The following USP26 variants were observed in gnomAD, a reference collection of about 807,000 sequenced individuals.
USP26 encodes the protein ubiquitin specific peptidase 26.
For missense variants in USP26, 649 were observed against 642.3 expected, an observed-to-expected ratio of 1.01 and a Z score of -0.11; for synonymous variants, 236 against 240.6, an observed-to-expected ratio of 0.98 and a Z score of 0.18.
At chrX:133,056,908 C>T (rs935873162) in intron 5 of USP26, among the ~76,000 whole-genome samples, 47 of 111,327 alleles carry the variant, frequency 4.2e-4, no homozygotes, top group African/African-American at 1.4e-3. Context: ...GTAACCCAGG[C>T]TCTCTGGAGT....
intron 5 of USP26, among the ~76,000 whole-genome samples, chrX:133,043,838 G>C (rs2067427885): frequency 8.9e-6 from 1 of 111,955 alleles, no homozygotes; most frequent in African/African-American, 3.2e-5. Flanking sequence ...AGGAGGCCGA[G>C]GTGGCAGTGA....
At chrX:133,092,102 G>A (rs2067609779) in intron 1 of USP26, among the ~76,000 whole-genome samples, 1 of 111,873 alleles carries the variant, frequency 8.9e-6, no homozygotes, top group Non-Finnish European at 1.9e-5. Context: ...ATCATACAGG[G>A]TGAAACATAA....
At position 133,027,385 on chromosome X, in the gene USP26, C is replaced by T; in HGVS notation, c.836G>A (p.Trp279Ter). ...TTCAAAAAATAGTTTTAATTTATCC[C>T]ACTTTGTGTAACCGTCACTATACCC... ...QQGYSDGYTKWDKLKLFFELF... is the reference protein window; with the variant it reads ...QQGYSDGYTK Residue 279 changes from tryptophan (W) to a stop codon, truncating the protein, a stop_gained, in exon 6 of 6, where the codon TGG becomes TAG. Coordinates refer to ENST00000511190, the MANE Select transcript of USP26 (RefSeq NM_031907.3). LOFTEE classifies it low-confidence loss of function (END_TRUNC). 3.3e-6 allele frequency: 4 copies of T among 1,211,310 alleles called. No homozygotes were observed. Among genetic ancestry groups the T allele is most frequent in the Non-Finnish European group, 3.4e-6 (3 of 895,268 alleles).
intron 5 of USP26, among the ~76,000 whole-genome samples, chrX:133,062,325 A>G (rs55734802): frequency 1.4e-3 from 158 of 112,032 alleles, no homozygotes; most frequent in Middle Eastern, 0.014. Context: ...GCTTCAGCTG[A>G]CTTAAACATC....
At chrX:133,091,894 G>A (rs907772023) in intron 1 of USP26, among the ~76,000 whole-genome samples, 1 of 111,693 alleles carries the variant, frequency 9.0e-6, no homozygotes, top group South Asian at 3.8e-4. Flanking sequence ...ACTGGTACTG[G>A]ACTTTTCCAT....
Position 133,025,825 on chromosome X carries a change from T to C in USP26, c.2396A>G (p.Asn799Ser), listed in dbSNP as rs1446375255. The change falls in exon 6 of 6, where the codon AAC (asparagine) becomes AGC (serine). Residue 799 changes from asparagine to serine, a missense_variant. Transcript: ENST00000511190. ...TTTTATCTTATCTAAAATGTCTTTG[T>C]TTCTTGGATTCTTATTGGAACCCAG... ...LALGSNKNPRNKDILDKIKSK... is the reference protein window; with the variant it reads ...LALGSNKNPRSKDILDKIKSK... 1 of 1,211,187 alleles carries C rather than the reference T, an allele frequency of 8.3e-7. No individual in the cohort carries two copies. Among genetic ancestry groups the C allele is most frequent in the East Asian group, 3.0e-5 (1 of 33,825 alleles).
At chrX:133,037,894 G>T (rs1435898187) in intron 5 of USP26, among the ~76,000 whole-genome samples, 3 of 111,025 alleles carry the variant, frequency 2.7e-5, no homozygotes, top group Non-Finnish European at 5.7e-5. Flanking sequence ...TCATGTCCTT[G>T]TAAGTTGTAT....
Position 133,093,126 on chromosome X carries a change from CAAT to C in USP26, c.-392-1686_-392-1684del, listed in dbSNP as rs754173811. On this transcript the variant is annotated intron_variant, in intron 1 of 5. Transcript: ENST00000511190. ...AAAGAAAAACAAAACAAAACAACAA[CAAT>C]GACAACAAACCATGCATTGCGGTGT... 1.7e-3 allele frequency among the ~76,000 whole-genome samples: 186 copies of C among 109,685 alleles called. 2 individuals are homozygous for C. Among genetic ancestry groups the C allele is most frequent in the African/African-American group, 5.8e-3 (176 of 30,142 alleles).
At position 133,062,704 on chromosome X, in the gene USP26, A is replaced by C. The variant is rs774809507; in HGVS notation, c.-77+21003T>G. On this transcript the variant is annotated intron_variant, in intron 5 of 5. Coordinates refer to ENST00000511190, the MANE Select transcript of USP26 (RefSeq NM_031907.3). ...GAAAAACTAACAAAGAGAAAGCAAT[A>C]ACATCCACATCAACAAAAAGGACCC... Among the ~76,000 whole-genome samples, 25 of 111,118 alleles carry C rather than the reference A, an allele frequency of 2.2e-4. No individual in the cohort carries two copies. The East Asian group carries it at 6.5e-3, about 29-fold the overall frequency.
At chrX:133,093,427 G>A (rs1569313879) in intron 1 of USP26, among the ~76,000 whole-genome samples, 1 of 111,254 alleles carries the variant, frequency 9.0e-6, no homozygotes, top group Non-Finnish European at 1.9e-5. Context: ...TTATAGCACG[G>A]AAGAAAAAAG....
chrX:133,095,093 CAAAA>C (rs35394795), intron 1 of USP26, among the ~76,000 whole-genome samples: 1 of 51,250 alleles, frequency 2.0e-5, no homozygotes, highest in Non-Finnish European at 3.5e-5. Flanking sequence ...AGACTCTTGT[CAAAA>C]AAAAAAAAAA....
intron 5 of USP26, among the ~76,000 whole-genome samples, chrX:133,050,691 A>C (rs1460971413): frequency 8.9e-6 from 1 of 112,132 alleles, no homozygotes; most frequent in Admixed American, 9.5e-5. Flanking sequence ...TTGATCAAAC[A>C]TCAGAAGACC....
intron 5 of USP26, among the ~76,000 whole-genome samples, chrX:133,083,444 C>T (rs1350720890): frequency 5.7e-5 from 2 of 34,939 alleles, no homozygotes. Flanking sequence ...TCGTTTTGAT[C>T]AAAAATCCAA....
chrX:133,095,426 CTTTTA>C (rs1232461891), intron 1 of USP26, among the ~76,000 whole-genome samples: 1 of 111,749 alleles, frequency 8.9e-6, no homozygotes, highest in African/African-American at 3.2e-5. Flanking sequence ...TACTCCAAAA[CTTTTA>C]TTTTATAAGG....
chrX:133,062,487 AAC>A (rs200931935), intron 5 of USP26, among the ~76,000 whole-genome samples: 473 of 111,929 alleles, frequency 4.2e-3, no homozygotes, highest in African/African-American at 0.015. Context: ...AAGAGGGGTT[AAC>A]AGACACCTCA....
chrX:133,037,736 T>C (rs1412252153), intron 5 of USP26, among the ~76,000 whole-genome samples: 1 of 112,115 alleles, frequency 8.9e-6, no homozygotes, highest in Non-Finnish European at 1.9e-5. Flanking sequence ...TTGATGGGAA[T>C]AGCATTGAAT....
At chrX:133,076,666 G>A (rs1284620459) in intron 5 of USP26, among the ~76,000 whole-genome samples, 2 of 112,108 alleles carry the variant, frequency 1.8e-5, no homozygotes, top group Non-Finnish European at 3.8e-5. Flanking sequence ...GAAACTAGCT[G>A]CCATGTTGGG....
At chrX:133,062,043 C>A (rs911913035) in intron 5 of USP26, among the ~76,000 whole-genome samples, 1 of 111,904 alleles carries the variant, frequency 8.9e-6, no homozygotes, top group East Asian at 2.8e-4. Flanking sequence ...GCACAGCAGT[C>A]TGAAGTCGAC....
At chrX:133,033,957 T>C (rs902845774) in intron 5 of USP26, among the ~76,000 whole-genome samples, 2 of 112,245 alleles carry the variant, frequency 1.8e-5, no homozygotes, top group African/African-American at 6.5e-5. Flanking sequence ...TCTTAGCTTT[T>C]TGTAGCATTT....
Sources: allele counts gnomAD v4.1 joint callset (sites outside exome capture counted in the v4.1 genomes callset), GRCh38; gene constraint gnomAD v4.1.1; transcripts MANE v1.5; gene names NCBI Gene and HGNC (gene_info 2026-07-23, HGNC 2026-07-21).